Variants in CIRSR observed in about 807,000 individuals in gnomAD.
CIRSR encodes the protein CBF1 (RBPJ) interacting corepressor 1.
chr2:174,373,189 C>G, the CIRSR span, among the ~76,000 whole-genome samples: 2 of 152,108 alleles, frequency 1.3e-5, no homozygotes, highest in Non-Finnish European at 2.9e-5. Flanking sequence ...TTCTAAGATA[C>G]AAGATTTAAG....
the CIRSR span, among the ~76,000 whole-genome samples, chr2:174,377,824 C>CAAAAAAAAAA: frequency 1.3e-4 from 8 of 60,052 alleles, no homozygotes; most frequent in Non-Finnish European, 1.4e-4. Context: ...GACGCCATCT[C>CAAAAAAAAAA]AAAAAAAAAA....
At chr2:174,364,821 C>A in the CIRSR span, among the ~76,000 whole-genome samples, 1 of 152,190 alleles carries the variant, frequency 6.6e-6, no homozygotes, top group African/African-American at 2.4e-5. Flanking sequence ...GGGCCTGGCA[C>A]ACAAAACCAC....
the CIRSR span, among the ~76,000 whole-genome samples, chr2:174,350,917 C>A: frequency 3.3e-5 from 5 of 152,094 alleles, no homozygotes; most frequent in South Asian, 2.1e-4. Context: ...AGTCTCCCTG[C>A]CGAAGTGGAT....
At chr2:174,382,895 A>G in the CIRSR span, among the ~76,000 whole-genome samples, 3 of 152,238 alleles carry the variant, frequency 2.0e-5, no homozygotes, top group African/African-American at 7.2e-5. Flanking sequence ...AAGAGTGAAT[A>G]TAATTTCTCC....
At chr2:174,379,452 T>G in the CIRSR span, among the ~76,000 whole-genome samples, 2 of 152,198 alleles carry the variant, frequency 1.3e-5, no homozygotes, top group Non-Finnish European at 2.9e-5. Flanking sequence ...TTAGGCTTTT[T>G]GGGACAGATG....
the CIRSR span, among the ~76,000 whole-genome samples, chr2:174,364,117 A>G: frequency 3.9e-5 from 6 of 152,226 alleles, no homozygotes; most frequent in Non-Finnish European, 8.8e-5. Flanking sequence ...GGTATTGGCT[A>G]AATTCAGCCA....
At chr2:174,374,991 C>A in the CIRSR span, among the ~76,000 whole-genome samples, 1 of 152,170 alleles carries the variant, frequency 6.6e-6, no homozygotes, top group Non-Finnish European at 1.5e-5. Context: ...TATTAGTTTA[C>A]TGTGTGTCAT....
the CIRSR span, among the ~76,000 whole-genome samples, chr2:174,360,015 A>T: frequency 6.6e-6 from 1 of 152,346 alleles, no homozygotes; most frequent in Admixed American, 6.5e-5. Flanking sequence ...AACAATGAGA[A>T]CACTCGGACA....
chr2:174,349,747 TCTTA>T, the CIRSR span, among the ~76,000 whole-genome samples: 2 of 152,116 alleles, frequency 1.3e-5, no homozygotes, highest in Non-Finnish European at 2.9e-5. Context: ...TTTGTTAAAT[TCTTA>T]CTGAGTTGAA....
the CIRSR span, chr2:174,380,850 T>C: frequency 6.5e-7 from 1 of 1,540,012 alleles, no homozygotes. Flanking sequence ...AGAAAAAAGG[T>C]ATGACAAGTT....
chr2:174,395,126 C>T, the CIRSR span, among the ~76,000 whole-genome samples: 1 of 152,096 alleles, frequency 6.6e-6, no homozygotes, highest in African/African-American at 2.4e-5. Flanking sequence ...GTTTAGTCAT[C>T]AAAAAGACAC....
chr2:174,378,810 A>G, the CIRSR span: 1 of 804,266 alleles, frequency 1.2e-6, no homozygotes, highest in South Asian at 1.4e-5. Context: ...AAACAAACAA[A>G]CAAGCCCCAC....
At chr2:174,391,181 C>G in the CIRSR span, among the ~76,000 whole-genome samples, 1 of 152,088 alleles carries the variant, frequency 6.6e-6, no homozygotes, top group African/African-American at 2.4e-5. Context: ...GAACTCAATA[C>G]ACAGGTAATT....
the CIRSR span, among the ~76,000 whole-genome samples, chr2:174,354,981 G>A: frequency 7.3e-5 from 11 of 151,112 alleles, no homozygotes; most frequent in Admixed American, 3.3e-4. Context: ...TTTTCACAAT[G>A]CAGTCTTATT....
chr2:174,371,946 T>A, the CIRSR span, among the ~76,000 whole-genome samples: 12 of 152,230 alleles, frequency 7.9e-5, no homozygotes, highest in African/African-American at 2.9e-4. Context: ...TAGGTGATTT[T>A]TTTTTAAATG....
the CIRSR span, among the ~76,000 whole-genome samples, chr2:174,385,434 A>G: frequency 6.6e-6 from 1 of 152,182 alleles, no homozygotes. Flanking sequence ...ATAAATTTGC[A>G]TTCAAATGAC....
chr2:174,348,780 T>C, the CIRSR span: 1 of 1,614,222 alleles, frequency 6.2e-7, no homozygotes, highest in South Asian at 1.1e-5. Flanking sequence ...TCTGGACTTT[T>C]TGTCAGAATC....
chr2:174,352,776 C>T, the CIRSR span, among the ~76,000 whole-genome samples: 3 of 152,106 alleles, frequency 2.0e-5, no homozygotes, highest in Non-Finnish European at 2.9e-5. Flanking sequence ...GCTTAAATGA[C>T]GTACTCCAGC....
At chr2:174,358,417 C>A in the CIRSR span, 1 of 156,896 alleles carries the variant, frequency 6.4e-6, no homozygotes. Context: ...TTTTGTATTT[C>A]AGTAGAGACG....
Sources: gnomAD v4.1 joint callset for allele counts (sites outside exome capture counted in the v4.1 genomes callset) on GRCh38, gnomAD v4.1.1 for gene constraint, MANE v1.5 for transcripts, NCBI Gene and HGNC (gene_info 2026-07-23, HGNC 2026-07-21) for gene names.